ANK2: variants seen among roughly 807,000 people sequenced by gnomAD.
The protein encoded by ANK2 is ankyrin-2.
A neutral mutation model predicts 360.5 loss-of-function variants in ANK2; 83 were observed. The ratio of observed to expected loss-of-function variants is 0.23; its 90% CI spans 0.19 to 0.28. The LOEUF (loss-of-function observed/expected upper bound fraction) is 0.28. ANK2 is among the 10% of genes least tolerant of loss of function. The probability of loss-of-function intolerance (pLI) is 1.00; values close to 1 mark genes in which losing one functional copy is unlikely to be tolerated. For synonymous variants in ANK2, 1,740 were observed against 1,759.5 expected (o/e 0.99, Z 0.28); for missense variants, 4,201 against 4,795.7 (o/e 0.88, Z 3.66).
the ANK2 span, among the ~76,000 whole-genome samples, chr4:112,715,621 C>CA: frequency 6.6e-6 from 1 of 152,184 alleles, no homozygotes; most frequent in African/African-American, 2.4e-5. Flanking sequence ...CATGCAAATG[C>CA]TGTAGTTCTG....
intron 1 of ANK2, among the ~76,000 whole-genome samples, chr4:113,112,759 G>A (rs1039463861): frequency 6.6e-6 from 1 of 152,138 alleles, no homozygotes. Context: ...GGGGGGTCTT[G>A]AGACTGCTTC....
At chr4:112,993,388 C>T (rs1006751621) in intron 2 of ANK2, among the ~76,000 whole-genome samples, 3 of 151,908 alleles carry the variant, frequency 2.0e-5, no homozygotes. Flanking sequence ...CTGCAACCTC[C>T]ACCTCCCAGG....
chr4:113,212,626 A>C (rs549391127), intron 4 of ANK2, among the ~76,000 whole-genome samples: 4 of 152,300 alleles, frequency 2.6e-5, no homozygotes, highest in African/African-American at 9.6e-5. Flanking sequence ...CTTTCTACTC[A>C]TGTAACTCAT....
intron 2 of ANK2, among the ~76,000 whole-genome samples, chr4:112,950,649 G>GAAAAAA (rs55980674): frequency 8.4e-6 from 1 of 118,780 alleles, no homozygotes; most frequent in Non-Finnish European, 1.9e-5. Flanking sequence ...GTCTCAAAAA[G>GAAAAAA]AAAAAAAAAA....
intron 14 of ANK2, among the ~76,000 whole-genome samples, chr4:113,271,937 A>G (rs1462819560): frequency 6.6e-6 from 1 of 152,202 alleles, no homozygotes; most frequent in Non-Finnish European, 1.5e-5. Context: ...GAAGGCCACC[A>G]GAGCCTGACC....
chr4:112,883,360 A>G (rs113720879), intron 1 of ANK2, among the ~76,000 whole-genome samples: 1,767 of 151,734 alleles, frequency 0.012, 11 homozygotes, highest in Non-Finnish European at 0.019. Flanking sequence ...TCTTGTTCCA[A>G]CCTGCGGAGT....
chr4:112,957,637 C>CG (rs1282698060), intron 2 of ANK2, among the ~76,000 whole-genome samples: 2 of 145,702 alleles, frequency 1.4e-5, no homozygotes, highest in East Asian at 2.1e-4. Flanking sequence ...GCTGGCCGGG[C>CG]GGGGGGCTGA....
chr4:112,945,365 A>G (rs2094480453), intron 2 of ANK2, among the ~76,000 whole-genome samples: 1 of 152,218 alleles, frequency 6.6e-6, no homozygotes, highest in African/African-American at 2.4e-5. Context: ...CAAAAAGAGT[A>G]AATAATATTT....
At chr4:113,016,281 C>A (rs2056586964) in intron 2 of ANK2, among the ~76,000 whole-genome samples, 1 of 152,060 alleles carries the variant, frequency 6.6e-6, no homozygotes, top group African/African-American at 2.4e-5. Context: ...AGGTATATAC[C>A]TCATCTAATA....
intron 22 of ANK2, among the ~76,000 whole-genome samples, chr4:113,297,456 G>A (rs2153770868): frequency 6.6e-6 from 1 of 152,162 alleles, no homozygotes; most frequent in Non-Finnish European, 1.5e-5. Context: ...TGTTTGAGGT[G>A]ATGGATATCC....
chr4:112,809,284 G>C, the ANK2 span, among the ~76,000 whole-genome samples: 1 of 150,608 alleles, frequency 6.6e-6, no homozygotes, highest in Non-Finnish European at 1.5e-5. Context: ...AATAAGGGCC[G>C]GGCGCGGTGG....
chr4:113,243,112 G>A (rs2040886338), intron 9 of ANK2, among the ~76,000 whole-genome samples: 1 of 152,112 alleles, frequency 6.6e-6, no homozygotes, highest in Non-Finnish European at 1.5e-5. Context: ...GATTATTTCA[G>A]TATTAATTAT....
chr4:112,853,470 G>C (rs1466469201), intron 1 of ANK2, among the ~76,000 whole-genome samples: 1 of 151,820 alleles, frequency 6.6e-6, no homozygotes, highest in Non-Finnish European at 1.5e-5. Flanking sequence ...CCAAAGTTCT[G>C]TGATTACAAG....
chr4:112,903,397 T>C (rs1168490486), intron 1 of ANK2, among the ~76,000 whole-genome samples: 3 of 152,240 alleles, frequency 2.0e-5, no homozygotes, highest in African/African-American at 7.2e-5. Context: ...GCACCCTTAG[T>C]GATTCTGCTA....
rs762658824 is a variant in ANK2, at chr4:113,317,712, G to C, written c.2699G>C (p.Arg900Pro). ...GCCTCCTGCCAACCTACCAGCCTTC[G>C]ATCCTTCAGTTCCGACAGGTCTCAC... Reference protein sequence around the residue: ...SLEGGRSDSLRSFSSDRSHTL... With the variant: ...SLEGGRSDSLPSFSSDRSHTL... The change falls in exon 25 of 46, where the codon CGA becomes CCA. Residue 900 changes from arginine (R) to proline (P), a missense_variant. By Grantham distance (103) the Arg-to-Pro change is moderately radical. Transcript: ENST00000357077. The C allele has an allele frequency of 5.0e-6, 8 of 1,613,664 alleles. No homozygotes were observed. The East Asian group carries it at 1.3e-4, about 27-fold the overall frequency.
intron 2 of ANK2, among the ~76,000 whole-genome samples, chr4:113,036,131 G>C (rs1329794471): frequency 2.0e-5 from 3 of 151,816 alleles, no homozygotes; most frequent in Non-Finnish European, 4.4e-5. Context: ...AACGAAGACA[G>C]CTACATTACA....
chr4:112,774,480 C>T, the ANK2 span, among the ~76,000 whole-genome samples: 68 of 152,222 alleles, frequency 4.5e-4, no homozygotes, highest in African/African-American at 1.3e-3. Context: ...GAGCCGAGAT[C>T]GCGCCACGGC....
chr4:112,785,627 T>G, the ANK2 span, among the ~76,000 whole-genome samples: 3 of 151,882 alleles, frequency 2.0e-5, no homozygotes, highest in African/African-American at 4.8e-5. Context: ...CGCCTTGGCC[T>G]CCCAAAGTGC....
chr4:112,980,196 G>C (rs2042713865), intron 2 of ANK2: 1 of 152,446 alleles, frequency 6.6e-6, no homozygotes, highest in Non-Finnish European at 1.5e-5. Context: ...CCCAGCACGT[G>C]CACACCCTGC....
Sources: gnomAD v4.1 joint callset for allele counts (sites outside exome capture counted in the v4.1 genomes callset) on GRCh38, gnomAD v4.1.1 for gene constraint, MANE v1.5 for transcripts, NCBI Gene and HGNC (gene_info 2026-07-23, HGNC 2026-07-21) for gene names.